CNTN1: variants seen among roughly 807,000 people sequenced by gnomAD.
CNTN1 encodes the protein contactin-1.
In CNTN1, 38 loss-of-function variants were observed where a neutral mutation model predicts 126.4. That is an observed-to-expected ratio of 0.30 (90% CI 0.23 to 0.39). The LOEUF (loss-of-function observed/expected upper bound fraction) is 0.39. Ranked by LOEUF, CNTN1 falls within the 10% of genes least tolerant of loss-of-function variation. The pLI is 1.00. For missense variants in CNTN1, 1,009 were observed against 1,248.4 expected, an observed-to-expected ratio of 0.81 and a Z score of 2.89; for synonymous variants, 413 against 422.6, an observed-to-expected ratio of 0.98 and a Z score of 0.28.
intron 1 of CNTN1, among the ~76,000 whole-genome samples, chr12:40,758,240 A>G (rs920924770): frequency 6.6e-6 from 1 of 151,460 alleles, no homozygotes; most frequent in East Asian, 1.9e-4. Flanking sequence ...TGTTATGAAT[A>G]TTTTATACAG....
chr12:41,001,547 T>C (rs1948360491), intron 17 of CNTN1, among the ~76,000 whole-genome samples: 1 of 152,180 alleles, frequency 6.6e-6, no homozygotes, highest in Non-Finnish European at 1.5e-5. Flanking sequence ...ATTCTCTAGG[T>C]TGTCTGTTCA....
rs562793203 is a variant in CNTN1, at chr12:40,705,557, T to C, written c.-77+12965T>C. Among the ~76,000 whole-genome samples, 174 of 152,196 alleles carry C rather than the reference T, an allele frequency of 1.1e-3. 1 individual carries two copies. Among genetic ancestry groups the C allele is most frequent in the African/African-American group, 4.1e-3 (169 of 41,516 alleles). ...TCTTTTTTTTTTATTATACTTTAAGTTTTAGGGTACATGTGCACATTGTGC... is the reference window on the plus strand; with the variant it reads ...TCTTTTTTTTTTATTATACTTTAAGCTTTAGGGTACATGTGCACATTGTGC... On this transcript the variant is annotated intron_variant, in intron 1 of 23. Transcript: ENST00000551295.
intron 1 of CNTN1, among the ~76,000 whole-genome samples, chr12:40,725,893 C>T (rs527855818): frequency 6.0e-5 from 9 of 150,658 alleles, no homozygotes; most frequent in South Asian, 2.1e-4. Context: ...ATTACATAGG[C>T]GTTTAGTAGG....
chr12:40,889,446 T>C (rs1944164646), intron 1 of CNTN1, among the ~76,000 whole-genome samples: 1 of 152,164 alleles, frequency 6.6e-6, no homozygotes, highest in Non-Finnish European at 1.5e-5. Flanking sequence ...ACTAAGCAAT[T>C]TTTTTAGATA....
intron 1 of CNTN1, among the ~76,000 whole-genome samples, chr12:40,750,636 T>G (rs879814358): frequency 1.3e-5 from 2 of 151,904 alleles, no homozygotes; most frequent in Non-Finnish European, 2.9e-5. Flanking sequence ...GACCCCCATC[T>G]CTATTTTGAA....
intron 1 of CNTN1, among the ~76,000 whole-genome samples, chr12:40,832,331 C>T (rs571596770): frequency 6.6e-6 from 1 of 152,246 alleles, no homozygotes; most frequent in South Asian, 2.1e-4. Flanking sequence ...CAGAAAATTT[C>T]CTGTTGCGTA....
Position 41,016,784 on chromosome 12 carries a change from G to A in CNTN1, c.2287G>A (p.Asp763Asn), listed in dbSNP as rs1347655668. 1 of 1,614,062 alleles carries A rather than the reference G, an allele frequency of 6.2e-7. No individual in the cohort carries two copies. ...GAAAAAAGTCACAGTTACTAATCCT[G>A]ATACTGGCCGATATGTCCATAAAGA... ...EWKKVTVTNP[D>N]TGRYVHKDET... Residue 763 changes from aspartate (D) to asparagine (N), a missense_variant, in exon 19 of 24, where the codon GAT (aspartate) becomes AAT (asparagine). Physicochemically the swap from Asp to Asn is conservative, Grantham distance 23. Coordinates refer to ENST00000551295, the MANE Select transcript of CNTN1 (RefSeq NM_001843.4).
intron 1 of CNTN1, among the ~76,000 whole-genome samples, chr12:40,814,294 T>A (rs770479456): frequency 1.3e-5 from 2 of 152,236 alleles, no homozygotes; most frequent in Non-Finnish European, 1.5e-5. Context: ...TAAATGGTAT[T>A]ACCTAGGTTT....
At chr12:40,837,674 G>T (rs1017147229) in intron 1 of CNTN1, among the ~76,000 whole-genome samples, 3 of 152,168 alleles carry the variant, frequency 2.0e-5, no homozygotes, top group African/African-American at 7.2e-5. Context: ...AGGGAAACTT[G>T]GGCTGTCCCT....
chr12:40,698,565 A>G (rs1439910279), intron 1 of CNTN1, among the ~76,000 whole-genome samples: 4 of 152,020 alleles, frequency 2.6e-5, no homozygotes, highest in African/African-American at 7.2e-5. Context: ...TTTTTTTACA[A>G]CATTGTTTTC....
intron 14 of CNTN1, among the ~76,000 whole-genome samples, chr12:40,950,046 G>C (rs1346672010): frequency 6.6e-6 from 1 of 151,570 alleles, no homozygotes; most frequent in Non-Finnish European, 1.5e-5. Flanking sequence ...TTGTAACTTT[G>C]GTCCCATGTG....
chr12:41,015,934 G>C (rs968517836), intron 18 of CNTN1, among the ~76,000 whole-genome samples: 1 of 152,186 alleles, frequency 6.6e-6, no homozygotes, highest in Non-Finnish European at 1.5e-5. Context: ...TAGAATTGGA[G>C]ATAGAAACCC....
chr12:40,933,623 T>A (rs1051869143), intron 8 of CNTN1, 63 bp downstream of exon 8: 1 of 1,523,738 alleles, frequency 6.6e-7, no homozygotes, highest in Non-Finnish European at 9.1e-7. Context: ...AAATAAATAA[T>A]TGTTTAGCTA....
In CNTN1 at chr12:40,996,931, A is replaced by G. The variant is rs370676431; in HGVS notation, c.2113+3662A>G. ...GAGATGCCAGCATATGCTATGTGGG[A>G]CAAAGGCTGGTTCCCATTTGATGGA... On this transcript the variant is annotated intron_variant, in intron 17 of 23. Transcript: ENST00000551295. 7.2e-5 allele frequency among the ~76,000 whole-genome samples: 11 copies of G among 152,336 alleles called. No homozygotes were observed. The East Asian group carries it at 1.3e-3, about 19-fold the overall frequency.
intron 1 of CNTN1, among the ~76,000 whole-genome samples, chr12:40,903,496 A>G (rs1354915819): frequency 1.3e-5 from 2 of 150,676 alleles, no homozygotes; most frequent in Non-Finnish European, 2.9e-5. Context: ...CTCAAGAGAG[A>G]AGTAGTAGGG....
chr12:40,764,749 C>T (rs188860273), intron 1 of CNTN1, among the ~76,000 whole-genome samples: 256 of 152,304 alleles, frequency 1.7e-3, no homozygotes, highest in Non-Finnish European at 2.2e-3. Context: ...GAAGAAGGAA[C>T]AACCATATGC....
chr12:40,955,262 C>A (rs1158789931), intron 14 of CNTN1, among the ~76,000 whole-genome samples: 2 of 151,984 alleles, frequency 1.3e-5, no homozygotes, highest in Admixed American at 1.3e-4. Context: ...ATAGAGATTA[C>A]CTTCTAGAAG....
chr12:40,950,943 T>C (rs969106123), intron 14 of CNTN1, among the ~76,000 whole-genome samples: 10 of 151,888 alleles, frequency 6.6e-5, no homozygotes, highest in Non-Finnish European at 1.2e-4. Context: ...GAATGCCAGG[T>C]GAATGGAATT....
intron 1 of CNTN1, among the ~76,000 whole-genome samples, chr12:40,775,922 T>C (rs2136440674): frequency 6.6e-6 from 1 of 151,760 alleles, no homozygotes; most frequent in South Asian, 2.1e-4. Flanking sequence ...TGTCACTGCA[T>C]AGTTACTTCA....
Sources: gnomAD v4.1 joint callset for allele counts (sites outside exome capture counted in the v4.1 genomes callset) on GRCh38, gnomAD v4.1.1 for gene constraint, MANE v1.5 for transcripts, NCBI Gene and HGNC (gene_info 2026-07-23, HGNC 2026-07-21) for gene names.